Variants in IFT52 observed in about 807,000 individuals in gnomAD.
The protein encoded by IFT52 is intraflagellar transport protein 52 homolog.
In IFT52, 44 loss-of-function variants were observed where a neutral mutation model predicts 54.4. The observed-to-expected ratio is 0.81, with a 90% CI of 0.63 to 1.04. The LOEUF (loss-of-function observed/expected upper bound fraction) is 1.04. Ranked by LOEUF, IFT52 falls within the 50% of genes least tolerant of loss-of-function variation. The pLI, the probability that IFT52 is intolerant of heterozygous loss-of-function variation, is 0.00. For missense variants in IFT52, 452 were observed against 523.6 expected, an observed-to-expected ratio of 0.86 and a Z score of 1.33; for synonymous variants, 181 against 185.3, an observed-to-expected ratio of 0.98 and a Z score of 0.19.
At chr20:43,595,316 C>CAAAA (rs34012263) in intron 2 of IFT52, among the ~76,000 whole-genome samples, 153 of 62,786 alleles carry the variant, frequency 2.4e-3, no homozygotes, top group Middle Eastern at 0.012. Context: ...GACTCCGTCT[C>CAAAA]AAAAAAAAAA....
At chr20:43,611,441 CTTTTTTTTTTTTTT>C (rs11469500) in intron 6 of IFT52, among the ~76,000 whole-genome samples, 7 of 55,078 alleles carry the variant, frequency 1.3e-4, no homozygotes, top group Non-Finnish European at 1.9e-4. Context: ...AAATGTCAGT[CTTTTTTTTTTTTTT>C]TTTTTTTTTT....
At chr20:43,629,305 C>A (rs1984990039) in intron 10 of IFT52, among the ~76,000 whole-genome samples, 1 of 150,330 alleles carries the variant, frequency 6.7e-6, no homozygotes, top group Non-Finnish European at 1.5e-5. Context: ...TGGAGTCTTG[C>A]TCTGTCACCC....
At chr20:43,592,202 G>A (rs191940559) in intron 1 of IFT52, among the ~76,000 whole-genome samples, 5 of 152,204 alleles carry the variant, frequency 3.3e-5, no homozygotes, top group East Asian at 1.9e-4. Context: ...TATGGCGCGC[G>A]CCTGTAATCC....
rs138787768 is a variant in IFT52 at position 43,594,710 on chromosome 20, G to C, written c.12G>C (p.Glu4Asp). The change falls in exon 2 of 14, where the codon GAG becomes GAC. Residue 4 changes from glutamate to aspartate, a missense_variant. Physicochemically the swap from Glu to Asp is conservative, Grantham distance 45 (BLOSUM62 2). Coordinates refer to ENST00000373030, the MANE Select transcript of IFT52 (RefSeq NM_016004.5). Reference sequence around the variant, plus strand: ...TCCATAAGGTAACCATGGAGAAAGAGCTGCGGAGCACCATTCTTTTCAATG... The same window carrying C: ...TCCATAAGGTAACCATGGAGAAAGACCTGCGGAGCACCATTCTTTTCAATG... MEK[E>D]LRSTILFNAY... is the part of the protein sequence containing the mutation. 3.3e-5 allele frequency: 53 copies of C among 1,591,416 alleles called. No homozygotes were observed. In the African/African-American group the frequency reaches 6.0e-4, roughly 18 times the overall value.
Position 43,596,482 on chromosome 20 carries a change from G to A in IFT52, c.167G>A (p.Trp56Ter), listed in dbSNP as rs1378186114. Residue 56 changes from tryptophan (W) to a stop codon, truncating the protein, a stop_gained, in exon 3 of 14, where the codon TGG (tryptophan) becomes TAG (stop). Transcript: ENST00000373030. LOFTEE classifies it high-confidence loss of function. ...GAGAAGTTAAATGGAGTGAAACTGTGGATTACAGCTGGGCCAAGGGAAAAA... is the reference window on the plus strand; with the variant it reads ...GAGAAGTTAAATGGAGTGAAACTGTAGATTACAGCTGGGCCAAGGGAAAAA... Reference protein sequence around the residue: ...TSEKLNGVKLWITAGPREKFT... With the variant: ...TSEKLNGVKL 1 of 1,607,500 alleles carries A rather than the reference G, an allele frequency of 6.2e-7. No individual in the cohort carries two copies. The highest frequency in any genetic ancestry group is 1.1e-5 in the South Asian group (1 of 90,214).
intron 10 of IFT52, among the ~76,000 whole-genome samples, chr20:43,625,520 G>A (rs1984652698): frequency 6.6e-6 from 1 of 151,962 alleles, no homozygotes; most frequent in African/African-American, 2.4e-5. Flanking sequence ...AAAAAAATAG[G>A]GTGATCAGGA....
Position 43,623,992 on chromosome 20 carries a change from C to T in IFT52, c.870C>T (p.Leu290=). The T allele has an allele frequency of 6.2e-7, 1 of 1,614,168 alleles. No homozygotes were observed. ...SDEIPRDFTT[L]FDLSIFQLDT... ...AGATCCCAAGGGACTTTACCACCCT[C>T]TTCGACCTGTCCATCTTCCAGCTGG... Residue 290 remains leucine, a synonymous_variant, in exon 10 of 14, where the codon CTC becomes CTT. Transcript: ENST00000373030.
Position 43,603,794 on chromosome 20 carries a change from G to C in IFT52, c.242G>C (p.Gly81Ala). Residue 81 changes from glycine to alanine, a missense_variant, in exon 4 of 14, where the codon GGA becomes GCA. Gly to Ala is a moderately conservative substitution (Grantham distance 60). Coordinates refer to ENST00000373030, the MANE Select transcript of IFT52 (RefSeq NM_016004.5). ...EILKKYLDTG[G>A]DVFVMLGEGG... ...CTGAAGAAATATCTTGACACTGGTG[G>C]AGATGTCTTTGTGATGCTAGGAGAA... The C allele has an allele frequency of 1.9e-6, 3 of 1,611,622 alleles. No homozygotes were observed. Among genetic ancestry groups the C allele is most frequent in the Non-Finnish European group, 2.5e-6 (3 of 1,178,584 alleles).
chr20:43,596,626 A>C, intron 3 of IFT52, 104 bp downstream of exon 3: 1 of 742,982 alleles, frequency 1.3e-6, no homozygotes, highest in East Asian at 2.6e-5. Flanking sequence ...TGTGGCCTTA[A>C]GGTAGTCACT....
intron 3 of IFT52, among the ~76,000 whole-genome samples, chr20:43,599,974 G>A (rs898083889): frequency 3.3e-5 from 5 of 151,992 alleles, no homozygotes; most frequent in African/African-American, 1.2e-4. Flanking sequence ...AAAAAGTAAA[G>A]CAATATAACT....
At chr20:43,621,925 G>A (rs1202456401) in intron 9 of IFT52, among the ~76,000 whole-genome samples, 2 of 152,240 alleles carry the variant, frequency 1.3e-5, no homozygotes, top group African/African-American at 2.4e-5. Context: ...GCCCTGGGAG[G>A]CACATGGTCT....
chr20:43,615,165 T>C (rs6065636), intron 7 of IFT52, among the ~76,000 whole-genome samples: 116,401 of 151,626 alleles, frequency 0.77, 44,910 homozygotes, highest in East Asian at 0.8. Flanking sequence ...GCCTCAGCCT[T>C]CCAAGTAGCT....
At chr20:43,627,489 T>G (rs527836100) in intron 10 of IFT52, among the ~76,000 whole-genome samples, 42 of 152,328 alleles carry the variant, frequency 2.8e-4, no homozygotes, top group African/African-American at 9.6e-4. Flanking sequence ...TAGATAGCTC[T>G]TTTATGGTAT....
At position 43,596,306 on chromosome 20, in the gene IFT52, A is replaced by G. The variant is rs1184965794; in HGVS notation, c.120-129A>G. ...CTCACTTTGGGAGAGAGACTGGACC[A>G]GTTACCTCTAAATCCCTTCATCTCT... On this transcript the variant is annotated intron_variant, in intron 2 of 13. Coordinates refer to ENST00000373030, the MANE Select transcript of IFT52 (RefSeq NM_016004.5). 5 of 594,654 alleles carry G rather than the reference A, an allele frequency of 8.4e-6. No individual in the cohort carries two copies. The Admixed American group carries it at 1.7e-4, about 20-fold the overall frequency. The allele number at this position is 594,654 out of a possible 1,614,324, so 36.8% of individuals were successfully genotyped here. A position where few individuals can be genotyped will look rare whatever the true frequency, so the allele number is the denominator to read the frequency against.
At chr20:43,607,971 C>T (rs1983096268) in intron 6 of IFT52, among the ~76,000 whole-genome samples, 1 of 152,184 alleles carries the variant, frequency 6.6e-6, no homozygotes. Context: ...ACAGCGAAAC[C>T]CCGTCTCCAC....
chr20:43,620,065 C>T (rs770535357), intron 8 of IFT52, among the ~76,000 whole-genome samples: 7 of 151,388 alleles, frequency 4.6e-5, no homozygotes, highest in African/African-American at 1.5e-4. Context: ...TATAGGTGTG[C>T]GCCACCACAC....
At chr20:43,637,095 C>A in intron 11 of IFT52, 50 bp from the exon 12 acceptor site, 1 of 1,275,030 alleles carries the variant, frequency 7.8e-7, no homozygotes, top group South Asian at 1.2e-5. Context: ...ACTTTATTTC[C>A]TTTACCTTAT....
chr20:43,634,860 T>C (rs1985414439), intron 10 of IFT52, among the ~76,000 whole-genome samples: 1 of 152,090 alleles, frequency 6.6e-6, no homozygotes, highest in South Asian at 2.1e-4. Context: ...CTCTCATCAT[T>C]TAGCTCCCAC....
At chr20:43,595,789 G>A (rs1237946279) in intron 2 of IFT52, among the ~76,000 whole-genome samples, 1 of 151,352 alleles carries the variant, frequency 6.6e-6, no homozygotes, top group African/African-American at 2.4e-5. Context: ...AGGAGGCTGA[G>A]GCACAAGAAT....
Sources: allele counts gnomAD v4.1 joint callset (sites outside exome capture counted in the v4.1 genomes callset), GRCh38; gene constraint gnomAD v4.1.1; transcripts MANE v1.5; gene names NCBI Gene and HGNC (gene_info 2026-07-23, HGNC 2026-07-21).